The following ASB2 variants were observed in gnomAD, a reference collection of about 807,000 sequenced individuals.
The protein encoded by ASB2 is ankyrin repeat and SOCS box containing 2.
ASB2 carries 58 observed loss-of-function variants against 62.4 expected under a neutral mutation model. The ratio of observed to expected loss-of-function variants is 0.93; its 90% CI spans 0.75 to 1.16. The LOEUF is 1.16. Among genes scored for constraint, ASB2 ranks in the 50% most tolerant of loss-of-function variants. ASB2 has a pLI of 0.00. For synonymous variants in ASB2, 386 were observed against 385.3 expected (o/e 1.00, Z -0.02); for missense variants, 928 against 887.9 (o/e 1.05, Z -0.57).
rs767623999 is a variant in ASB2, at chr14:93,954,499, G to A, written c.312-16C>T. On this transcript the variant is annotated splice_polypyrimidine_tract_variant and intron_variant, in intron 3 of 9. Transcript: ENST00000555019. ...GTCCGCAGGCCTGTGAGAGGAAGGA[G>A]TGGGTCAGTCCTCAAGGTCAGGCCA... 7 of 1,613,528 alleles carry A rather than the reference G, an allele frequency of 4.3e-6. No individual in the cohort carries two copies. Among genetic ancestry groups the A allele is most frequent in the Non-Finnish European group, 5.9e-6 (7 of 1,179,658 alleles).
chr14:93,958,327 A>G (rs1233198146), intron 2 of ASB2, among the ~76,000 whole-genome samples: 2 of 152,080 alleles, frequency 1.3e-5, no homozygotes, highest in Non-Finnish European at 2.9e-5. Context: ...GTGAGAGGGG[A>G]CTTAACTGTG....
At position 93,935,976 on chromosome 14, in the gene ASB2, T is replaced by C. The variant is rs2236238; in HGVS notation, c.1772-1184A>G. Among the ~76,000 whole-genome samples, 838 of 152,374 alleles carry C rather than the reference T, an allele frequency of 5.5e-3. 8 individuals carry two copies. The highest frequency in any genetic ancestry group is 0.011 in the East Asian group (55 of 5,190). ...AGGTCTTGAATATATATTCATTTAA[T>C]GGCTGAATTGGAATAATTAATTACA... On this transcript the variant is annotated intron_variant, in intron 9 of 9. Transcript: ENST00000555019.
chr14:93,969,423 A>G (rs1263817212), intron 1 of ASB2, among the ~76,000 whole-genome samples: 1 of 152,206 alleles, frequency 6.6e-6, no homozygotes, highest in Non-Finnish European at 1.5e-5. Flanking sequence ...CCATCTGTAA[A>G]ATGGACAAGG....
chr14:93,964,408 C>G lies in ASB2; in HGVS notation c.132G>C (p.Arg44Ser). ...CGGTGGCCTCAGCAGTGGTTGGGCC[C>G]CTTGTCTTGTCCGCTAGGCTCTGCT... ...AIEQSLADKT[R>S]GPTTAEATAS... The change falls in exon 2 of 10, where the codon AGG (arginine) becomes AGC (serine). Residue 44 changes from arginine (R) to serine (S), a missense_variant. Transcript: ENST00000555019. The G allele has an allele frequency of 6.5e-7, 1 of 1,536,072 alleles. No homozygotes were observed.
At chr14:93,940,473 G>A (rs978010810) in intron 7 of ASB2, 2 of 152,192 alleles carry the variant, frequency 1.3e-5, no homozygotes, top group African/African-American at 2.4e-5. Flanking sequence ...GTGGAGCCAC[G>A]AGATCCTGAG....
chr14:93,946,412 T>C (rs1888723601), intron 7 of ASB2, among the ~76,000 whole-genome samples: 1 of 152,240 alleles, frequency 6.6e-6, no homozygotes, highest in Non-Finnish European at 1.5e-5. Context: ...CTGCTGGGAA[T>C]GCTTAAAAAC....
In ASB2 at chr14:93,939,228, G is replaced by A; in HGVS notation, c.1497C>T (p.Gly499=). ...LSLLKFLMDL[G]CDGEPCFSCL... Reference sequence around the variant, plus strand: ...ATGAGAAGCAGGGCTCGCCGTCGCAGCCCAGGTCCATGAGGAACTTGAGCA... The same window carrying A: ...ATGAGAAGCAGGGCTCGCCGTCGCAACCCAGGTCCATGAGGAACTTGAGCA... The change falls in exon 8 of 10, where the codon GGC becomes GGT. Residue 499 remains glycine, a synonymous_variant. Coordinates refer to ENST00000555019, the MANE Select transcript of ASB2 (RefSeq NM_001202429.2). 6.2e-7 allele frequency: 1 copy of A among 1,609,388 alleles called. No homozygotes were observed. Among genetic ancestry groups the A allele is most frequent in the Non-Finnish European group, 8.5e-7 (1 of 1,176,982 alleles).
chr14:93,953,294 G>C, intron 5 of ASB2, 58 bp downstream of exon 5: 1 of 1,452,340 alleles, frequency 6.9e-7, no homozygotes, highest in Non-Finnish European at 9.3e-7. Context: ...ATTCCCTGTT[G>C]CTCACCCAGC....
chr14:93,964,520 G>C lies in ASB2; in HGVS notation c.20C>G (p.Thr7Ser). The C allele has an allele frequency of 6.5e-7, 1 of 1,536,096 alleles. No individual in the cohort carries two copies. The highest frequency in any genetic ancestry group is 8.7e-7 in the Non-Finnish European group (1 of 1,146,886). ...CCCAATGGTACACTGGCTGCCCCGAGTGCTGATCTGCGTGGCCATCCTCCT... is the reference window on the plus strand; with the variant it reads ...CCCAATGGTACACTGGCTGCCCCGACTGCTGATCTGCGTGGCCATCCTCCT... The part of the protein sequence containing the change: MATQIS[T>S]RGSQCTIGQE... The change falls in exon 2 of 10, where the codon ACT becomes AGT. Residue 7 changes from threonine to serine, a missense_variant. Coordinates refer to ENST00000555019, the MANE Select transcript of ASB2 (RefSeq NM_001202429.2).
chr14:93,935,235 G>A (rs1027961409), intron 9 of ASB2, among the ~76,000 whole-genome samples: 2 of 152,198 alleles, frequency 1.3e-5, no homozygotes, highest in African/African-American at 2.4e-5. Flanking sequence ...GGAGCTCCCA[G>A]TGGTGCTGAG....
chr14:93,934,560 G>A lies in ASB2; in HGVS notation c.*96C>T, dbSNP rs12370. 266,493 of 1,328,450 alleles carry A rather than the reference G, an allele frequency of 0.2. 31,654 individuals carry two copies. The highest frequency in any genetic ancestry group is 0.56 in the East Asian group (24,229 of 43,178). The allele number at this position is 1,328,450 out of a possible 1,614,324, so 82.3% of individuals were successfully genotyped here. ...TGAGAGGGAGGCAGCCTGCAGCCTC[G>A]TCTGTCACCAGGTCCCCTTGGAGTT... is the stretch of plus-strand genomic sequence containing the variant. On this transcript the variant is annotated 3_prime_UTR_variant, in exon 10 of 10. Transcript: ENST00000555019.
chr14:93,951,294 G>A (rs1398485630), intron 5 of ASB2, 50 bp from the exon 6 acceptor site: 3 of 1,545,920 alleles, frequency 1.9e-6, no homozygotes, highest in Admixed American at 1.8e-5. Flanking sequence ...GCAGGAACTG[G>A]CCAGCAGAGA....
chr14:93,939,665 G>A lies in ASB2; in HGVS notation c.1060C>T (p.Gln354Ter). ...CGGCTGGTCACCGGCAGCAGCATCTGCACGATCCTGCCGGGTCGAGGGGCG... is the reference window on the plus strand; with the variant it reads ...CGGCTGGTCACCGGCAGCAGCATCTACACGATCCTGCCGGGTCGAGGGGCG... ...ASKKGNYRIV[Q>*]MLLPVTSRTR... The change falls in exon 8 of 10, where the codon CAG becomes TAG. Residue 354 changes from glutamine to a stop codon, truncating the protein, a stop_gained. Coordinates refer to ENST00000555019, the MANE Select transcript of ASB2 (RefSeq NM_001202429.2). LOFTEE classifies it high-confidence loss of function. The A allele has an allele frequency of 1.3e-6, 2 of 1,493,024 alleles. No individual in the cohort carries two copies. The highest frequency in any genetic ancestry group is 1.8e-6 in the Non-Finnish European group (2 of 1,128,602). 92.5% of individuals were successfully genotyped at this position (1,493,024 alleles called of 1,614,324 possible).
chr14:93,951,049 A>G lies in ASB2; in HGVS notation c.830T>C (p.Val277Ala), dbSNP rs1888940553. ...CTCCAACTGTCCACTCTGGGCGGCCACGAACAAGGGGGTGATGCCGTAGGC... is the reference window on the plus strand; with the variant it reads ...CTCCAACTGTCCACTCTGGGCGGCCGCGAACAAGGGGGTGATGCCGTAGGC... Reference protein sequence around the residue: ...KNAYGITPLFVAAQSGQLEAL... With the variant: ...KNAYGITPLFAAAQSGQLEAL... Residue 277 changes from valine to alanine, a missense_variant, in exon 6 of 10, where the codon GTG becomes GCG. Coordinates refer to ENST00000555019, the MANE Select transcript of ASB2 (RefSeq NM_001202429.2). 1 of 1,614,188 alleles carries G rather than the reference A, an allele frequency of 6.2e-7. No individual in the cohort carries two copies. The highest frequency in any genetic ancestry group is 8.5e-7 in the Non-Finnish European group (1 of 1,180,046).
intron 2 of ASB2, among the ~76,000 whole-genome samples, chr14:93,962,104 A>ATTT (rs1889425579): frequency 2.8e-4 from 30 of 107,170 alleles, no homozygotes; most frequent in East Asian, 1.3e-3. Context: ...TTCATTAAAC[A>ATTT]TTCTTTTTTT....
intron 2 of ASB2, among the ~76,000 whole-genome samples, chr14:93,963,154 C>T (rs886517139): frequency 6.6e-6 from 1 of 152,236 alleles, no homozygotes; most frequent in East Asian, 1.9e-4. Context: ...CCATCACCCA[C>T]CTTCATCCCC....
chr14:93,940,320 C>T (rs1253476233), intron 7 of ASB2: 1 of 152,214 alleles, frequency 6.6e-6, no homozygotes, highest in Non-Finnish European at 1.5e-5. Context: ...GCTCATCATT[C>T]CCATTTTGCA....
chr14:93,967,046 C>T (rs570718812), intron 1 of ASB2, among the ~76,000 whole-genome samples: 15 of 152,320 alleles, frequency 9.8e-5, no homozygotes, highest in African/African-American at 3.6e-4. Context: ...GACAGGGAAC[C>T]AAGGGACTTG....
chr14:93,942,196 A>C, intron 7 of ASB2: 1 of 456,034 alleles, frequency 2.2e-6, no homozygotes, highest in Non-Finnish European at 4.4e-6. Context: ...CACTTCTCCC[A>C]CAGGCACGTT....
Sources: gnomAD v4.1 joint callset for allele counts (sites outside exome capture counted in the v4.1 genomes callset) on GRCh38, gnomAD v4.1.1 for gene constraint, MANE v1.5 for transcripts, NCBI Gene and HGNC (gene_info 2026-07-23, HGNC 2026-07-21) for gene names.